KCNQ3: variants seen among roughly 807,000 people sequenced by gnomAD.
KCNQ3 encodes the protein potassium voltage-gated channel subfamily Q member 3.
Under a neutral mutation model 92.5 loss-of-function variants are expected in KCNQ3, and 30 were observed. The ratio of observed to expected loss-of-function variants is 0.32; its 90% confidence interval spans 0.24 to 0.44. The LOEUF is 0.44. KCNQ3 is among the 20% of genes least tolerant of loss of function. KCNQ3 has a pLI of 1.00. For missense variants in KCNQ3, 913 were observed against 1,140.3 expected (o/e 0.80, Z 2.87); for synonymous variants, 450 against 468.8 (o/e 0.96, Z 0.52).
intron 1 of KCNQ3, among the ~76,000 whole-genome samples, chr8:132,234,641 C>T (rs1364937718): frequency 6.6e-6 from 1 of 152,202 alleles, no homozygotes; most frequent in East Asian, 1.9e-4. Flanking sequence ...ACAACAAACA[C>T]ACGAGGTAAG....
chr8:132,275,955 A>C (rs1285049735), intron 1 of KCNQ3, among the ~76,000 whole-genome samples: 2 of 152,094 alleles, frequency 1.3e-5, no homozygotes, highest in Non-Finnish European at 2.9e-5. Context: ...CAAGTAATTA[A>C]ACTAAAAGAC....
chr8:132,319,533 AT>A (rs959422881), intron 1 of KCNQ3, among the ~76,000 whole-genome samples: 5 of 152,196 alleles, frequency 3.3e-5, no homozygotes, highest in African/African-American at 1.2e-4. Context: ...CCAAAGGCAG[AT>A]TTCTCAATTA....
chr8:132,294,897 A>C (rs1816969890), intron 1 of KCNQ3, among the ~76,000 whole-genome samples: 1 of 152,232 alleles, frequency 6.6e-6, no homozygotes, highest in African/African-American at 2.4e-5. Context: ...AATTAACTCA[A>C]GATGGATTAA....
At chr8:132,398,073 T>A (rs1820238994) in intron 1 of KCNQ3, among the ~76,000 whole-genome samples, 1 of 152,208 alleles carries the variant, frequency 6.6e-6, no homozygotes, top group African/African-American at 2.4e-5. Context: ...CACTGAGAAT[T>A]ACAACTCCAG....
intron 1 of KCNQ3, among the ~76,000 whole-genome samples, chr8:132,378,003 A>G (rs1201193061): frequency 3.3e-5 from 5 of 152,224 alleles, no homozygotes; most frequent in African/African-American, 4.8e-5. Context: ...AGAAGGTTCT[A>G]CAAGGACAGA....
At chr8:132,435,984 G>A (rs1821384788) in intron 1 of KCNQ3, among the ~76,000 whole-genome samples, 1 of 152,172 alleles carries the variant, frequency 6.6e-6, no homozygotes, top group Admixed American at 6.5e-5. Context: ...GAGAGGCAGT[G>A]TCCAAATTTA....
chr8:132,378,109 T>G (rs913373643), intron 1 of KCNQ3, among the ~76,000 whole-genome samples: 1 of 152,096 alleles, frequency 6.6e-6, no homozygotes, highest in Non-Finnish European at 1.5e-5. Context: ...AGTCAGACAA[T>G]ATGGCCGGGC....
At chr8:132,295,883 T>C (rs1817005969) in intron 1 of KCNQ3, among the ~76,000 whole-genome samples, 1 of 151,566 alleles carries the variant, frequency 6.6e-6, no homozygotes, top group African/African-American at 2.4e-5. Context: ...GGGCCTGTTG[T>C]GGGGGTGGGA....
intron 1 of KCNQ3, among the ~76,000 whole-genome samples, chr8:132,427,461 C>T (rs368593208): frequency 6.6e-6 from 1 of 152,188 alleles, no homozygotes; most frequent in Non-Finnish European, 1.5e-5. Flanking sequence ...AGAAACCATA[C>T]AGACCATGCT....
At chr8:132,248,264 T>A (rs1263592771) in intron 1 of KCNQ3, among the ~76,000 whole-genome samples, 1 of 151,874 alleles carries the variant, frequency 6.6e-6, no homozygotes, top group Non-Finnish European at 1.5e-5. Context: ...CTTCTTTTCA[T>A]CAGAAAAGAA....
intron 12 of KCNQ3, among the ~76,000 whole-genome samples, chr8:132,135,937 C>G (rs533908153): frequency 6.6e-6 from 1 of 151,488 alleles, no homozygotes; most frequent in Non-Finnish European, 1.5e-5. Flanking sequence ...CTGGCCAGCA[C>G]GGTGAAACCC....
Position 132,122,524 on chromosome 8 carries a change from T to C in KCNQ3, c.*6738A>G, listed in dbSNP as rs1174358249. The C allele has an allele frequency of 6.6e-6, 1 of 152,234 alleles. No individual in the cohort carries two copies. Among genetic ancestry groups the C allele is most frequent in the Non-Finnish European group, 1.5e-5 (1 of 68,032 alleles). 9.4% of individuals were successfully genotyped at this position (152,234 alleles called of 1,614,324 possible). ...AAGCCATTCTCAAGTTATTCTTATATACAGCCGATTTTTGGCGGTGTCAAA... is the reference window on the plus strand; with the variant it reads ...AAGCCATTCTCAAGTTATTCTTATACACAGCCGATTTTTGGCGGTGTCAAA... On this transcript the variant is annotated 3_prime_UTR_variant, in exon 15 of 15. Coordinates refer to ENST00000388996, the MANE Select transcript of KCNQ3 (RefSeq NM_004519.4).
At chr8:132,262,458 A>G (rs1313431875) in intron 1 of KCNQ3, among the ~76,000 whole-genome samples, 1 of 152,190 alleles carries the variant, frequency 6.6e-6, no homozygotes, top group Admixed American at 6.5e-5. Context: ...TTTTAATGCA[A>G]TAACATCTCG....
In KCNQ3 at chr8:132,332,423, T is replaced by C. The variant is rs948343063; in HGVS notation, c.387-146242A>G. On this transcript the variant is annotated intron_variant, in intron 1 of 14. Coordinates refer to ENST00000388996, the MANE Select transcript of KCNQ3 (RefSeq NM_004519.4). The stretch of plus-strand genomic sequence containing the variant: ...TGCAGAAGGCACCCACTGCACACAG[T>C]AGGACAGTTCTGACATCCAAACTGT... Among the ~76,000 whole-genome samples the C allele has an allele frequency of 3.3e-5, 5 of 152,202 alleles. No individual in the cohort carries two copies. The East Asian group carries it at 9.6e-4, about 29-fold the overall frequency.
At chr8:132,338,316 A>G (rs1375242131) in intron 1 of KCNQ3, among the ~76,000 whole-genome samples, 1 of 152,192 alleles carries the variant, frequency 6.6e-6, no homozygotes, top group African/African-American at 2.4e-5. Context: ...CCTCCTGCAC[A>G]AGGGAGTAGC....
chr8:132,303,635 GTATA>G (rs370143721), intron 1 of KCNQ3, among the ~76,000 whole-genome samples: 2 of 50,260 alleles, frequency 4.0e-5, no homozygotes, highest in African/African-American at 1.6e-4. Context: ...TATATATGGT[GTATA>G]TATATATATA....
At chr8:132,138,160 G>T (rs1406064202) in intron 11 of KCNQ3, 144 bp from the exon 12 acceptor site, 2 of 876,564 alleles carry the variant, frequency 2.3e-6, no homozygotes, top group African/African-American at 1.7e-5. Flanking sequence ...GTTTGGTTCT[G>T]GTTCTACCCC....
rs576027061 is a variant in KCNQ3 at position 132,413,730 on chromosome 8, G to T, written c.386+66417C>A. ...CCCCTTTCTTCCAGAACAGAGCAAA[G>T]CTTTTGTCACATATGGCACAGGCAG... On this transcript the variant is annotated intron_variant, in intron 1 of 14. Transcript: ENST00000388996. Among the ~76,000 whole-genome samples the T allele has an allele frequency of 3.3e-5, 5 of 152,324 alleles. No homozygotes were observed. In the South Asian group the frequency reaches 8.3e-4, roughly 25 times the overall value.
intron 10 of KCNQ3, 158 bp downstream of exon 10, chr8:132,140,971 G>A (rs1825277108): frequency 4.3e-6 from 3 of 703,278 alleles, no homozygotes; most frequent in Middle Eastern, 3.5e-4. Context: ...AGGGACAGGA[G>A]GAGTTAGGGA....
Sources: allele counts gnomAD v4.1 joint callset (sites outside exome capture counted in the v4.1 genomes callset), GRCh38; gene constraint gnomAD v4.1.1; transcripts MANE v1.5; gene names NCBI Gene and HGNC (gene_info 2026-07-23, HGNC 2026-07-21).